The following CRLS1 variants were observed in gnomAD, a reference collection of about 807,000 sequenced individuals.
The protein encoded by CRLS1 is cardiolipin synthase (CMP-forming).
A neutral mutation model predicts 37.0 loss-of-function variants in CRLS1; 24 were observed. The ratio of observed to expected loss-of-function variants is 0.65; its 90% CI spans 0.47 to 0.91. The LOEUF (loss-of-function observed/expected upper bound fraction) is 0.91. Ranked by LOEUF, CRLS1 falls within the 40% of genes least tolerant of loss-of-function variation. The pLI, the probability that CRLS1 is intolerant of heterozygous loss-of-function variation, is 0.00. For synonymous variants in CRLS1, 135 were observed against 159.7 expected (o/e 0.85, Z 1.17); for missense variants, 373 against 395.8 (o/e 0.94, Z 0.49).
chr20:6,012,280 A>G (rs1978384121), intron 2 of CRLS1, among the ~76,000 whole-genome samples: 1 of 152,186 alleles, frequency 6.6e-6, no homozygotes, highest in African/African-American at 2.4e-5. Flanking sequence ...AATGGATTAT[A>G]GACAGCTAAG....
rs963333030 is a variant in CRLS1 at position 6,006,368 on chromosome 20, G to T, written c.122G>T (p.Cys41Phe). The T allele has an allele frequency of 1.4e-6, 2 of 1,405,512 alleles. No individual in the cohort carries two copies. Among genetic ancestry groups the T allele is most frequent in the African/African-American group, 3.0e-5 (2 of 67,414 alleles). The allele number at this position is 1,405,512 out of a possible 1,614,324, so 87.1% of individuals were successfully genotyped here. A position where few individuals can be genotyped will look rare whatever the true frequency, so the allele number is the denominator to read the frequency against. ...GCCCTGCTGCCGCCCGTGCCCTGCTGCTTGGGCTGCCTGGCCGAACGCTGG... is the reference window on the plus strand; with the variant it reads ...GCCCTGCTGCCGCCCGTGCCCTGCTTCTTGGGCTGCCTGGCCGAACGCTGG... Reference protein sequence around the residue: ...CWALLPPVPCCLGCLAERWRL... With the variant: ...CWALLPPVPCFLGCLAERWRL... Residue 41 changes from cysteine to phenylalanine, a missense_variant, in exon 1 of 7, where the codon TGC becomes TTC. Cys to Phe is a radical substitution (Grantham distance 205). Transcript: ENST00000378863.
At chr20:6,026,425 T>A (rs1979715936) in intron 3 of CRLS1, among the ~76,000 whole-genome samples, 1 of 152,108 alleles carries the variant, frequency 6.6e-6, no homozygotes, top group Non-Finnish European at 1.5e-5. Flanking sequence ...ACTGGGAAAC[T>A]GAAAAATTCG....
Position 6,037,348 on chromosome 20 carries a change from C to T in CRLS1, c.*190C>T, listed in dbSNP as rs969946610. ...TGATCATGGGAATATGCAGAATTTC[C>T]AATGTATTTTTAAATACAAATAAAA... is the stretch of plus-strand genomic sequence containing the variant. On this transcript the variant is annotated 3_prime_UTR_variant, in exon 7 of 7. Coordinates refer to ENST00000378863, the MANE Select transcript of CRLS1 (RefSeq NM_019095.6). The T allele has an allele frequency of 2.6e-6, 1 of 378,926 alleles. No homozygotes were observed. Among genetic ancestry groups the T allele is most frequent in the Non-Finnish European group, 4.7e-6 (1 of 213,624 alleles). 23.5% of individuals were successfully genotyped at this position (378,926 alleles called of 1,614,324 possible). A position where few individuals can be genotyped will look rare whatever the true frequency, so the allele number is the denominator to read the frequency against.
intron 3 of CRLS1, among the ~76,000 whole-genome samples, chr20:6,021,315 C>T (rs531783962): frequency 6.6e-6 from 1 of 152,168 alleles, no homozygotes; most frequent in South Asian, 2.1e-4. Flanking sequence ...GATCTGCCCG[C>T]CTCGGCCTCC....
chr20:6,030,369 T>C (rs558078867), intron 3 of CRLS1, among the ~76,000 whole-genome samples: 1 of 152,240 alleles, frequency 6.6e-6, no homozygotes, highest in South Asian at 2.1e-4. Flanking sequence ...ACAAGTTGCA[T>C]TCATTGAATG....
chr20:6,006,046 A>G (rs2090048531), upstream of CRLS1: 1 of 358,672 alleles, frequency 2.8e-6, no homozygotes, highest in Non-Finnish European at 5.0e-6. Context: ...ACGGTGTCGT[A>G]AAAGCGTCGC....
At chr20:6,029,358 CTTTT>C (rs11087707) in intron 3 of CRLS1, among the ~76,000 whole-genome samples, 6 of 127,580 alleles carry the variant, frequency 4.7e-5, no homozygotes, top group Admixed American at 8.0e-5. Flanking sequence ...ATTTGCTGCT[CTTTT>C]TTTTTTTTTT....
chr20:6,022,100 A>G (rs1979325272), intron 3 of CRLS1, among the ~76,000 whole-genome samples: 1 of 152,142 alleles, frequency 6.6e-6, no homozygotes, highest in African/African-American at 2.4e-5. Context: ...TAGACCTCCC[A>G]TCTGAGATCA....
intron 3 of CRLS1, among the ~76,000 whole-genome samples, chr20:6,029,381 A>T (rs1344809908): frequency 3.7e-5 from 5 of 135,942 alleles, no homozygotes; most frequent in African/African-American, 8.1e-5. Flanking sequence ...TTTTTTTTTT[A>T]AAGACAGAGT....
At position 6,034,607 on chromosome 20, in the gene CRLS1, G is replaced by A. The variant is rs201221373; in HGVS notation, c.821+52G>A. 50 of 1,284,548 alleles carry A rather than the reference G, an allele frequency of 3.9e-5. No individual in the cohort carries two copies. The East Asian group carries it at 6.0e-4, about 15-fold the overall frequency. 79.6% of individuals were successfully genotyped at this position (1,284,548 alleles called of 1,614,324 possible). On this transcript the variant is annotated intron_variant, in intron 6 of 6. Transcript: ENST00000378863. Reference sequence around the variant, plus strand: ...TAGAATGTCAACAGAATGACTTATGGTGATAGCCCTAGAATGACCTTGTTC... The same window carrying A: ...TAGAATGTCAACAGAATGACTTATGATGATAGCCCTAGAATGACCTTGTTC...
Position 6,034,386 on chromosome 20 carries a change from G to T in CRLS1, c.730-78G>T. 2 of 910,256 alleles carry T rather than the reference G, an allele frequency of 2.2e-6. 1 individual carries two copies. The highest frequency in any genetic ancestry group is 2.8e-5 in the South Asian group (2 of 71,868). The allele number at this position is 910,256 out of a possible 1,614,324, so 56.4% of individuals were successfully genotyped here. On this transcript the variant is annotated intron_variant, in intron 5 of 6. Transcript: ENST00000378863. The stretch of plus-strand genomic sequence containing the variant: ...GGTATGTCATGTTATAGTGTGATGG[G>T]CTGTGCTTTTGTCTTGAAAGCTTGA...
intron 3 of CRLS1, among the ~76,000 whole-genome samples, chr20:6,021,068 T>A (rs1979245209): frequency 6.2e-5 from 2 of 32,484 alleles, no homozygotes; most frequent in African/African-American, 1.3e-4. Context: ...TTTGTATCTT[T>A]TTTTTTTTTT....
intron 3 of CRLS1, among the ~76,000 whole-genome samples, chr20:6,018,637 T>C (rs1363923565): frequency 1.3e-5 from 2 of 152,188 alleles, no homozygotes; most frequent in Non-Finnish European, 2.9e-5. Flanking sequence ...AATTGGGTAC[T>C]GAATTTTTTT....
chr20:6,031,237 A>T, intron 3 of CRLS1, 48 bp from the exon 4 acceptor site: 1 of 1,241,574 alleles, frequency 8.1e-7, no homozygotes, highest in Non-Finnish European at 1.2e-6. Context: ...AATGCATATT[A>T]GTACTCTTCA....
intron 2 of CRLS1, among the ~76,000 whole-genome samples, chr20:6,012,770 C>A (rs963118957): frequency 1.3e-5 from 2 of 152,078 alleles, no homozygotes; most frequent in Non-Finnish European, 2.9e-5. Context: ...ATCATCCAGG[C>A]TGAGGTAACA....
At position 6,032,052 on chromosome 20, in the gene CRLS1, C is replaced by G. The variant is rs1167914789; in HGVS notation, c.701C>G (p.Ala234Gly). 1 of 1,612,860 alleles carries G rather than the reference C, an allele frequency of 6.2e-7. No homozygotes were observed. The highest frequency in any genetic ancestry group is 2.2e-5 in the East Asian group (1 of 44,846). Residue 234 changes from alanine to glycine, a missense_variant, in exon 5 of 7, where the codon GCT (alanine) becomes GGT (glycine). Coordinates refer to ENST00000378863, the MANE Select transcript of CRLS1 (RefSeq NM_019095.6). ...AKYFNPCYATARLKPTFISKV... is the reference protein window; with the variant it reads ...AKYFNPCYATGRLKPTFISKV... ...TATTTCAATCCTTGCTATGCCACTG[C>G]TAGGTTAAAACCAACATTCATCAGC...
intron 4 of CRLS1, 98 bp from the exon 5 acceptor site, chr20:6,031,909 AGTTAT>A (rs766117143): frequency 1.4e-5 from 11 of 800,804 alleles, no homozygotes; most frequent in Non-Finnish European, 8.2e-6. Flanking sequence ...TGATTTATAA[AGTTAT>A]GTTGTTACCT....
intron 4 of CRLS1, 77 bp from the exon 5 acceptor site, chr20:6,031,935 A>T: frequency 9.1e-7 from 1 of 1,098,728 alleles, no homozygotes; most frequent in Non-Finnish European, 1.4e-6. Flanking sequence ...AAGTATAATA[A>T]CAAAATGTCT....
At chr20:6,036,402 T>TA (rs1980552175) in intron 6 of CRLS1, among the ~76,000 whole-genome samples, 2 of 152,186 alleles carry the variant, frequency 1.3e-5, no homozygotes, top group Admixed American at 6.5e-5. Context: ...CACTAAAAAG[T>TA]AATCTAGCTG....
Sources: gnomAD v4.1 joint callset for allele counts (sites outside exome capture counted in the v4.1 genomes callset) on GRCh38, gnomAD v4.1.1 for gene constraint, MANE v1.5 for transcripts, NCBI Gene and HGNC (gene_info 2026-07-23, HGNC 2026-07-21) for gene names.